The following GPC5 variants were observed in gnomAD, a reference collection of about 807,000 sequenced individuals.
The protein encoded by GPC5 is glypican-5.
Under a neutral mutation model 53.9 loss-of-function variants are expected in GPC5, and 47 were observed. The observed-to-expected ratio is 0.87, with a 90% CI of 0.69 to 1.11. GPC5 has a LOEUF of 1.11. Among genes scored for constraint, GPC5 ranks in the 50% most tolerant of loss-of-function variants. The pLI, the probability that GPC5 is intolerant of heterozygous loss-of-function variation, is 0.00. For synonymous variants in GPC5, 286 were observed against 263.3 expected (o/e 1.09, Z -0.84); for missense variants, 748 against 713.1 (o/e 1.05, Z -0.56).
chr13:91,904,469 C>T (rs1441107871), intron 5 of GPC5, among the ~76,000 whole-genome samples: 1 of 151,924 alleles, frequency 6.6e-6, no homozygotes, highest in African/African-American at 2.4e-5. Flanking sequence ...TTTTCTTAGT[C>T]GGTTTCAGGA....
intron 7 of GPC5, among the ~76,000 whole-genome samples, chr13:92,560,064 A>G (rs1882645375): frequency 6.6e-6 from 1 of 151,854 alleles, no homozygotes; most frequent in South Asian, 2.1e-4. Context: ...GTTATCCAGA[A>G]TATGACTTTA....
intron 7 of GPC5, among the ~76,000 whole-genome samples, chr13:92,397,601 A>T (rs1361969535): frequency 2.6e-5 from 4 of 152,196 alleles, no homozygotes; most frequent in Admixed American, 2.6e-4. Flanking sequence ...AATTCCGTGA[A>T]TCTGCCTCTC....
At position 92,073,648 on chromosome 13, in the gene GPC5, T is replaced by C. The variant is rs529438926; in HGVS notation, c.1402-71182T>C. Among the ~76,000 whole-genome samples the C allele has an allele frequency of 2.6e-5, 4 of 152,344 alleles. No individual in the cohort carries two copies. In the South Asian group the frequency reaches 8.3e-4, roughly 32 times the overall value. On this transcript the variant is annotated intron_variant, in intron 6 of 7. Transcript: ENST00000377067. ...GGTATACGATGTCTACCATCAATGG[T>C]ATACCATGTATACCAAGACAAATAT...
chr13:91,783,901 T>C (rs1000092403), intron 5 of GPC5, among the ~76,000 whole-genome samples: 1 of 152,206 alleles, frequency 6.6e-6, no homozygotes, highest in African/African-American at 2.4e-5. Flanking sequence ...TTTTCTCAAA[T>C]ATGGTTTCTT....
intron 7 of GPC5, among the ~76,000 whole-genome samples, chr13:92,478,342 T>C (rs984190044): frequency 2.6e-5 from 4 of 152,186 alleles, no homozygotes. Context: ...TTGAAGAAAC[T>C]ATACTGTTAA....
intron 6 of GPC5, among the ~76,000 whole-genome samples, chr13:91,968,300 G>T (rs1357506488): frequency 6.6e-6 from 1 of 151,380 alleles, no homozygotes; most frequent in Non-Finnish European, 1.5e-5. Flanking sequence ...ATTTAATTGT[G>T]GTACATAGTA....
intron 3 of GPC5, among the ~76,000 whole-genome samples, chr13:91,721,389 C>G (rs553322832): frequency 1.2e-3 from 180 of 152,248 alleles, no homozygotes; most frequent in African/African-American, 4.1e-3. Flanking sequence ...CCTGCCTCAG[C>G]CTCCCAAAGT....
At chr13:91,854,586 A>G (rs1266110520) in intron 5 of GPC5, among the ~76,000 whole-genome samples, 2 of 151,444 alleles carry the variant, frequency 1.3e-5, no homozygotes, top group East Asian at 1.9e-4. Flanking sequence ...CTATCCTTCT[A>G]TTCTCTATCT....
chr13:92,494,894 A>C (rs2138919891), intron 7 of GPC5, among the ~76,000 whole-genome samples: 1 of 152,166 alleles, frequency 6.6e-6, no homozygotes, highest in East Asian at 1.9e-4. Context: ...AGTTAACCCC[A>C]CCAATTAAAC....
chr13:92,027,918 C>G (rs1594731784), intron 6 of GPC5, among the ~76,000 whole-genome samples: 1 of 151,608 alleles, frequency 6.6e-6, no homozygotes, highest in Non-Finnish European at 1.5e-5. Flanking sequence ...CCTAAAACAT[C>G]GATATGCAAA....
At chr13:92,301,703 T>C (rs1566528199) in intron 7 of GPC5, among the ~76,000 whole-genome samples, 1 of 151,900 alleles carries the variant, frequency 6.6e-6, no homozygotes, top group Non-Finnish European at 1.5e-5. Context: ...CTGGACAACA[T>C]GTTCAAACCC....
At chr13:92,092,178 T>G (rs1193256165) in intron 6 of GPC5, among the ~76,000 whole-genome samples, 1 of 152,164 alleles carries the variant, frequency 6.6e-6, no homozygotes, top group Non-Finnish European at 1.5e-5. Flanking sequence ...ACAATGAAAA[T>G]GAAGCTCTCT....
chr13:91,689,354 G>A (rs183629472), intron 2 of GPC5, among the ~76,000 whole-genome samples: 35 of 148,840 alleles, frequency 2.4e-4, no homozygotes, highest in African/African-American at 8.5e-4. Flanking sequence ...AGTGGTGAGT[G>A]AATGCAAAGG....
rs9556227 is a variant in GPC5, at chr13:92,844,871, G to A, written c.1562-21411G>A. 0.025 allele frequency among the ~76,000 whole-genome samples: 3,858 copies of A among 152,184 alleles called. 383 individuals carry two copies. The East Asian group carries it at 0.33, about 13-fold the overall frequency. ...GCAACGTATTTCCAGGAGAGTTGAG[G>A]AAGCTTATCTCTGGAACTCTAGAGA... is the stretch of plus-strand genomic sequence containing the variant. On this transcript the variant is annotated intron_variant, in intron 7 of 7. Coordinates refer to ENST00000377067, the MANE Select transcript of GPC5 (RefSeq NM_004466.6).
At chr13:92,157,397 G>C (rs1260235215) in intron 7 of GPC5, among the ~76,000 whole-genome samples, 1 of 152,120 alleles carries the variant, frequency 6.6e-6, no homozygotes, top group East Asian at 1.9e-4. Context: ...ATGTGATTAG[G>C]TCATATGTGT....
At chr13:92,325,103 G>C (rs940323490) in intron 7 of GPC5, among the ~76,000 whole-genome samples, 45 of 146,432 alleles carry the variant, frequency 3.1e-4, no homozygotes, top group Middle Eastern at 3.5e-3. Context: ...AATAACTTCT[G>C]ACACACACAC....
At chr13:92,030,807 G>A (rs1397314132) in intron 6 of GPC5, among the ~76,000 whole-genome samples, 2 of 152,274 alleles carry the variant, frequency 1.3e-5, no homozygotes, top group South Asian at 2.1e-4. Context: ...CTCCTGTTTT[G>A]GGGTGGTTAC....
intron 7 of GPC5, among the ~76,000 whole-genome samples, chr13:92,203,570 T>A (rs2042310481): frequency 1.4e-5 from 2 of 142,136 alleles, no homozygotes; most frequent in Admixed American, 7.1e-5. Context: ...CGCACCAGCA[T>A]GGCACATGTA....
At chr13:92,050,789 C>T (rs1594743985) in intron 6 of GPC5, among the ~76,000 whole-genome samples, 1 of 152,018 alleles carries the variant, frequency 6.6e-6, no homozygotes, top group African/African-American at 2.4e-5. Context: ...TTTTACAAAC[C>T]CCAGTGTTCC....
Sources: gnomAD v4.1 joint callset for allele counts (sites outside exome capture counted in the v4.1 genomes callset) on GRCh38, gnomAD v4.1.1 for gene constraint, MANE v1.5 for transcripts, NCBI Gene and HGNC (gene_info 2026-07-23, HGNC 2026-07-21) for gene names.